Variants in ATXN1 observed in about 807,000 individuals in gnomAD.
ATXN1 encodes ataxin 1.
In ATXN1, 8 loss-of-function variants were observed where a neutral mutation model predicts 56.4. The ratio of observed to expected loss-of-function variants is 0.14; its 90% CI spans 0.08 to 0.26. ATXN1 has a LOEUF of 0.26. ATXN1 is among the 10% of genes least tolerant of loss of function. ATXN1 has a pLI of 1.00. For synonymous variants in ATXN1, 514 were observed against 494.6 expected, an observed-to-expected ratio of 1.04 and a Z score of -0.52; for missense variants, 987 against 1,106.5, an observed-to-expected ratio of 0.89 and a Z score of 1.53.
At chr6:16,655,618 T>G (rs1258537776) in intron 3 of ATXN1, among the ~76,000 whole-genome samples, 1 of 152,000 alleles carries the variant, frequency 6.6e-6, no homozygotes, top group Non-Finnish European at 1.5e-5. Flanking sequence ...CCCAGTCTCA[T>G]ATGGTCCCAG....
chr6:16,419,711 C>A (rs1758992092), intron 6 of ATXN1, among the ~76,000 whole-genome samples: 1 of 152,138 alleles, frequency 6.6e-6, no homozygotes, highest in South Asian at 2.1e-4. Context: ...GGGGACACTG[C>A]TACATGTGCA....
chr6:16,531,337 C>T (rs236927), intron 4 of ATXN1, among the ~76,000 whole-genome samples: 10,480 of 152,246 alleles, frequency 0.069, 666 homozygotes, highest in African/African-American at 0.17. Flanking sequence ...AAAAGTGCAA[C>T]CCAGGCAGGA....
chr6:16,648,032 G>C (rs957183367), intron 3 of ATXN1, among the ~76,000 whole-genome samples: 1 of 152,164 alleles, frequency 6.6e-6, no homozygotes. Context: ...CCGAAATTGC[G>C]CTATTGCACT....
intron 1 of ATXN1, among the ~76,000 whole-genome samples, chr6:16,755,718 TAAA>T (rs368926707): frequency 5.2e-5 from 7 of 134,808 alleles, no homozygotes; most frequent in Admixed American, 7.4e-5. Context: ...CACCTAAGTG[TAAA>T]AAAAAAAAAA....
intron 6 of ATXN1, among the ~76,000 whole-genome samples, chr6:16,333,550 G>A (rs1561856157): frequency 6.6e-6 from 1 of 152,176 alleles, no homozygotes; most frequent in Non-Finnish European, 1.5e-5. Flanking sequence ...GCAAGAAAAT[G>A]GGTTGCTTTT....
chr6:16,373,546 A>C (rs1762086387), intron 6 of ATXN1, among the ~76,000 whole-genome samples: 1 of 152,208 alleles, frequency 6.6e-6, no homozygotes, highest in Non-Finnish European at 1.5e-5. Context: ...CCCAAGTGTC[A>C]TCCTGAATCG....
At chr6:16,632,826 C>T (rs1188122191) in intron 3 of ATXN1, among the ~76,000 whole-genome samples, 2 of 151,938 alleles carry the variant, frequency 1.3e-5, no homozygotes, top group Middle Eastern at 3.4e-3. Context: ...GAGACCTCGT[C>T]GCTACTAATA....
chr6:16,679,856 T>C (rs1758777994), intron 2 of ATXN1, among the ~76,000 whole-genome samples: 1 of 152,252 alleles, frequency 6.6e-6, no homozygotes, highest in African/African-American at 2.4e-5. Context: ...TTAACTTTAA[T>C]GAATATTAAC....
intron 6 of ATXN1, among the ~76,000 whole-genome samples, chr6:16,338,003 T>C (rs1038718502): frequency 3.3e-5 from 5 of 152,210 alleles, no homozygotes; most frequent in Non-Finnish European, 2.9e-5. Flanking sequence ...AGCATTCACA[T>C]CCACTGTCCT....
At chr6:16,322,091 G>A (rs1760667958) in intron 7 of ATXN1, among the ~76,000 whole-genome samples, 1 of 152,128 alleles carries the variant, frequency 6.6e-6, no homozygotes, top group Non-Finnish European at 1.5e-5. Flanking sequence ...GGGTGTAGTG[G>A]TACACACCCA....
At chr6:16,442,934 C>A (rs1326877119) in intron 6 of ATXN1, among the ~76,000 whole-genome samples, 4 of 152,094 alleles carry the variant, frequency 2.6e-5, no homozygotes, top group Non-Finnish European at 5.9e-5. Flanking sequence ...ATTGCTTAAA[C>A]CCAGGAGGGT....
chr6:16,738,384 A>G (rs1363427426), intron 2 of ATXN1: 2 of 152,196 alleles, frequency 1.3e-5, no homozygotes, highest in African/African-American at 2.4e-5. Flanking sequence ...GGGCACATCC[A>G]TATTTGTGGG....
chr6:16,473,686 C>T (rs1386793507), intron 6 of ATXN1, among the ~76,000 whole-genome samples: 1 of 152,182 alleles, frequency 6.6e-6, no homozygotes, highest in African/African-American at 2.4e-5. Context: ...CACAAAGGAG[C>T]GAGGTGAGGA....
At chr6:16,569,273 C>T (rs1285339697) in intron 4 of ATXN1, among the ~76,000 whole-genome samples, 3 of 152,152 alleles carry the variant, frequency 2.0e-5, no homozygotes, top group African/African-American at 7.2e-5. Context: ...AATCCCAGCA[C>T]TTTGGGAGGC....
rs566037693 is a variant in ATXN1 at position 16,410,407 on chromosome 6, G to T, written c.-161+75565C>A. ...GTGAAGACTAAATCTGACTTACAAAGGTGAGGAGCAGGGAGTACATTTCTT... is the reference window on the plus strand; with the variant it reads ...GTGAAGACTAAATCTGACTTACAAATGTGAGGAGCAGGGAGTACATTTCTT... On this transcript the variant is annotated intron_variant, in intron 6 of 7. Transcript: ENST00000436367. The surrounding 1 kb of genome is among the most constrained non-coding windows in gnomAD (Gnocchi z 4.6). Among the ~76,000 whole-genome samples the T allele has an allele frequency of 9.3e-4, 141 of 152,340 alleles. No homozygotes were observed. The highest frequency in any genetic ancestry group is 1.8e-3 in the Non-Finnish European group (121 of 68,026).
chr6:16,338,059 G>T (rs536955571), intron 6 of ATXN1, among the ~76,000 whole-genome samples: 2 of 152,250 alleles, frequency 1.3e-5, no homozygotes, highest in South Asian at 4.1e-4. Flanking sequence ...TACTAACAAT[G>T]ATGATAATAG....
At chr6:16,721,358 G>C (rs1759741784) in intron 2 of ATXN1, among the ~76,000 whole-genome samples, 2 of 152,200 alleles carry the variant, frequency 1.3e-5, no homozygotes, top group Non-Finnish European at 2.9e-5. Context: ...GGGGGTGGTT[G>C]TTCATGCCTA....
chr6:16,535,290 G>A (rs1043760123), intron 4 of ATXN1, among the ~76,000 whole-genome samples: 1 of 152,090 alleles, frequency 6.6e-6, no homozygotes, highest in African/African-American at 2.4e-5. Flanking sequence ...ACAAACCAGG[G>A]GTCTTTGGAG....
chr6:16,462,490 C>A (rs1386790582), intron 6 of ATXN1, among the ~76,000 whole-genome samples: 1 of 152,182 alleles, frequency 6.6e-6, no homozygotes, highest in Non-Finnish European at 1.5e-5. Context: ...CCACTCCTTG[C>A]CCCTTTAATG....
Sources: gnomAD v4.1 joint callset for allele counts (sites outside exome capture counted in the v4.1 genomes callset) on GRCh38, gnomAD v4.1.1 for gene constraint, Gnocchi (gnomAD v3.1) non-coding constraint, MANE v1.5 for transcripts, NCBI Gene and HGNC (gene_info 2026-07-23, HGNC 2026-07-21) for gene names.